CACNA2D1: variants seen among roughly 807,000 people sequenced by gnomAD.
The protein encoded by CACNA2D1 is voltage-dependent calcium channel subunit alpha-2/delta-1.
A neutral mutation model predicts 171.5 loss-of-function variants in CACNA2D1; 53 were observed. That is an observed-to-expected ratio of 0.31 (90% CI 0.25 to 0.39). CACNA2D1 has a LOEUF of 0.39. Among genes scored for constraint, CACNA2D1 ranks in the 10% least tolerant of loss-of-function variants. The pLI is 1.00. For missense variants in CACNA2D1, 903 were observed against 1,299.8 expected (o/e 0.69, Z 4.69); for synonymous variants, 442 against 443.1 (o/e 1.00, Z 0.03).
chr7:82,102,261 A>G (rs1021861967), intron 6 of CACNA2D1, among the ~76,000 whole-genome samples: 4 of 152,180 alleles, frequency 2.6e-5, no homozygotes, highest in African/African-American at 4.8e-5. Context: ...TATTTTAGAG[A>G]TAAAACTTTT....
chr7:82,017,497 G>A (rs1584424901), intron 12 of CACNA2D1, among the ~76,000 whole-genome samples: 1 of 151,942 alleles, frequency 6.6e-6, no homozygotes, highest in African/African-American at 2.4e-5. Context: ...AATTGTAAAT[G>A]GTTTCATTCC....
Position 82,310,933 on chromosome 7 carries a change from G to A in CACNA2D1, c.294+24202C>T, listed in dbSNP as rs1380631271. Among the ~76,000 whole-genome samples, 9 of 152,132 alleles carry A rather than the reference G, an allele frequency of 5.9e-5. No homozygotes were observed. The East Asian group carries it at 9.6e-4, about 16-fold the overall frequency. ...TGTTCTGACCACAAATTAGCTTTGG[G>A]ATGTTACAGAGGACCCCTAAGGCAT... On this transcript the variant is annotated intron_variant, in intron 3 of 38. Coordinates refer to ENST00000356860, the MANE Select transcript of CACNA2D1 (RefSeq NM_000722.4).
intron 3 of CACNA2D1, among the ~76,000 whole-genome samples, chr7:82,306,868 G>GA (rs1813800531): frequency 1.4e-5 from 1 of 73,384 alleles, no homozygotes; most frequent in African/African-American, 8.0e-5. Flanking sequence ...TGGTATCTAC[G>GA]AAAAAATACA....
chr7:82,265,416 C>CTCTTTTTTTTT (rs1807701346), intron 3 of CACNA2D1, among the ~76,000 whole-genome samples: 1 of 77,306 alleles, frequency 1.3e-5, no homozygotes, highest in Admixed American at 1.6e-4. Context: ...TTTTTCCTTT[C>CTCTTTTTTTTT]TTTTTTTTTT....
At chr7:82,428,309 T>C (rs2129458377) in intron 1 of CACNA2D1, among the ~76,000 whole-genome samples, 1 of 152,158 alleles carries the variant, frequency 6.6e-6, no homozygotes, top group East Asian at 1.9e-4. Flanking sequence ...ACAGAAAGGA[T>C]ATGGAGCAAA....
rs992763 is a variant in CACNA2D1, at chr7:82,042,815, C to G, written c.880-4580G>C. On this transcript the variant is annotated intron_variant, in intron 10 of 38. Transcript: ENST00000356860. ...TCAGTCCTCATGAAAGTTTTCATGA[C>G]CTTCCCTGACTAGATTAAGTCACCC... Among the ~76,000 whole-genome samples, 981 of 152,232 alleles carry G rather than the reference C, an allele frequency of 6.4e-3. 19 individuals are homozygous for G. The highest frequency in any genetic ancestry group is 0.022 in the African/African-American group (926 of 41,516).
At chr7:82,047,596 A>T (rs1002439834) in intron 10 of CACNA2D1, among the ~76,000 whole-genome samples, 1 of 152,116 alleles carries the variant, frequency 6.6e-6, no homozygotes, top group Non-Finnish European at 1.5e-5. Flanking sequence ...TCTGACATCC[A>T]TCTAGTACAT....
At chr7:82,092,540 C>CTTT (rs71093360) in intron 6 of CACNA2D1, among the ~76,000 whole-genome samples, 5 of 102,674 alleles carry the variant, frequency 4.9e-5, no homozygotes, top group South Asian at 3.1e-4. Context: ...GCCCAGCTAA[C>CTTT]TTTTTTTTTT....
intron 11 of CACNA2D1, among the ~76,000 whole-genome samples, chr7:82,034,927 A>G (rs914006470): frequency 1.3e-5 from 2 of 152,130 alleles, no homozygotes; most frequent in African/African-American, 2.4e-5. Flanking sequence ...TTTTGCCTTC[A>G]ACATGATTTT....
chr7:82,425,198 T>C (rs935228601), intron 1 of CACNA2D1, among the ~76,000 whole-genome samples: 1 of 152,188 alleles, frequency 6.6e-6, no homozygotes, highest in Admixed American at 6.5e-5. Flanking sequence ...AAAGGGGTAT[T>C]GAGCCCCCTT....
At chr7:82,091,719 A>G (rs1408931248) in intron 6 of CACNA2D1, among the ~76,000 whole-genome samples, 2 of 152,210 alleles carry the variant, frequency 1.3e-5, no homozygotes, top group Non-Finnish European at 2.9e-5. Context: ...AGGAGCCCCA[A>G]GGTCAAATTA....
chr7:82,439,714 T>TA (rs955814890), intron 1 of CACNA2D1, among the ~76,000 whole-genome samples: 9 of 151,300 alleles, frequency 5.9e-5, no homozygotes, highest in Non-Finnish European at 1.0e-4. Flanking sequence ...TATTACTACT[T>TA]ACGTGGAAAA....
At chr7:82,066,810 AGGTGTCC>A in intron 7 of CACNA2D1, among the ~76,000 whole-genome samples, 1 of 152,134 alleles carries the variant, frequency 6.6e-6, no homozygotes, top group South Asian at 2.1e-4. Flanking sequence ...ATGTTTTAGT[AGGTGTCC>A]AGAGGTTATA....
In CACNA2D1 at chr7:82,345,826, T is replaced by G. The variant is rs76287292; in HGVS notation, c.177+3742A>C. On this transcript the variant is annotated intron_variant, in intron 2 of 38. Transcript: ENST00000356860. ...ATTTTTCTGTCTAAAATGTTTTAAATGTGTAAATACAGCTTCCATCTCTGT... is the reference window on the plus strand; with the variant it reads ...ATTTTTCTGTCTAAAATGTTTTAAAGGTGTAAATACAGCTTCCATCTCTGT... 5.1e-3 allele frequency among the ~76,000 whole-genome samples: 774 copies of G among 152,200 alleles called. 22 individuals carry two copies. In the East Asian group the frequency reaches 0.081, roughly 16 times the overall value.
chr7:82,087,972 A>ATC (rs952316670), intron 6 of CACNA2D1, among the ~76,000 whole-genome samples: 7 of 151,722 alleles, frequency 4.6e-5, no homozygotes, highest in South Asian at 2.1e-4. Flanking sequence ...TACACACATT[A>ATC]TCTCTCTCTC....
intron 38 of CACNA2D1, among the ~76,000 whole-genome samples, chr7:81,952,660 C>T (rs899621333): frequency 2.0e-5 from 3 of 152,058 alleles, no homozygotes; most frequent in African/African-American, 7.2e-5. Context: ...GGCTTGACCT[C>T]CTTTCTTTCA....
intron 1 of CACNA2D1, among the ~76,000 whole-genome samples, chr7:82,351,652 TATA>T (rs1264436542): frequency 1.3e-5 from 2 of 152,132 alleles, no homozygotes; most frequent in Non-Finnish European, 2.9e-5. Flanking sequence ...GAAAAATTGT[TATA>T]ATAACATTTT....
chr7:82,387,494 G>A (rs1359827632), intron 1 of CACNA2D1, among the ~76,000 whole-genome samples: 1 of 152,120 alleles, frequency 6.6e-6, no homozygotes, highest in Non-Finnish European at 1.5e-5. Context: ...AATTTAACGT[G>A]TCTTTAAATT....
chr7:82,309,304 G>T (rs944876795), intron 3 of CACNA2D1, among the ~76,000 whole-genome samples: 6 of 152,186 alleles, frequency 3.9e-5, no homozygotes, highest in African/African-American at 4.8e-5. Context: ...AACTCAGGAG[G>T]TTGAGGCAGG....
Sources: allele counts gnomAD v4.1 joint callset (sites outside exome capture counted in the v4.1 genomes callset), GRCh38; gene constraint gnomAD v4.1.1; transcripts MANE v1.5; gene names NCBI Gene and HGNC (gene_info 2026-07-23, HGNC 2026-07-21).